Variants in GAB3 observed in about 807,000 individuals in gnomAD.
GAB3 encodes the protein GRB2 associated binding protein 3.
In GAB3, 12 loss-of-function variants were observed where a neutral mutation model predicts 40.4. The ratio of observed to expected loss-of-function variants is 0.30; its 90% CI spans 0.19 to 0.48. The LOEUF is 0.48. Ranked by LOEUF, GAB3 falls within the 20% of genes least tolerant of loss-of-function variation. The pLI is 0.99. For synonymous variants in GAB3, 154 were observed against 176.7 expected (o/e 0.87, Z 1.02); for missense variants, 381 against 461.9 (o/e 0.82, Z 1.61).
rs56796528 is a variant in GAB3, at chrX:154,744,212, C to CAA, written c.72+6740_72+6741dup. Among the ~76,000 whole-genome samples, 117 of 30,545 alleles carry CAA rather than the reference C, an allele frequency of 3.8e-3. 17 individuals carry two copies. The highest frequency in any genetic ancestry group is 0.028 in the East Asian group (8 of 283). 26.5% of individuals were successfully genotyped at this position (30,545 alleles called of 115,157 possible). A position where few individuals can be genotyped will look rare whatever the true frequency, so the allele number is the denominator to read the frequency against. On this transcript the variant is annotated intron_variant, in intron 1 of 9. Coordinates refer to ENST00000424127, the MANE Select transcript of GAB3 (RefSeq NM_001081573.3). ...CTGGTGACAGAGTGAGATTCCATCT[C>CAA]AAAAAAAAAAAAAAAAAAAAAAAAA...
At chrX:154,720,306 C>T (rs2071107937) in intron 1 of GAB3, among the ~76,000 whole-genome samples, 1 of 111,469 alleles carries the variant, frequency 9.0e-6, no homozygotes, top group African/African-American at 3.3e-5. Context: ...AGAACATATG[C>T]CCGTCATTGA....
chrX:154,698,531 G>T (rs1156803649), intron 6 of GAB3, among the ~76,000 whole-genome samples: 1 of 112,283 alleles, frequency 8.9e-6, no homozygotes, highest in Non-Finnish European at 1.9e-5. Context: ...TTTCTAAAGG[G>T]CAAAGAGAAG....
chrX:154,715,912 G>T, intron 2 of GAB3, 114 bp downstream of exon 2: 2 of 699,090 alleles, frequency 2.9e-6, no homozygotes, highest in South Asian at 2.6e-5. Flanking sequence ...ATATAAATTA[G>T]CCTGCCAAAA....
chrX:154,738,413 A>T (rs1557260803), intron 1 of GAB3, among the ~76,000 whole-genome samples: 1 of 112,668 alleles, frequency 8.9e-6, no homozygotes, highest in Non-Finnish European at 1.9e-5. Context: ...ATTGAAAAAG[A>T]ATTAGAGGTG....
chrX:154,694,661 G>A (rs1557250222), intron 8 of GAB3, among the ~76,000 whole-genome samples: 3 of 112,147 alleles, frequency 2.7e-5, no homozygotes, highest in Non-Finnish European at 5.6e-5. Flanking sequence ...CCAAAGTGCT[G>A]GGATTACAGG....
intron 6 of GAB3, among the ~76,000 whole-genome samples, chrX:154,699,088 T>A (rs1272617942): frequency 9.0e-6 from 1 of 111,162 alleles, no homozygotes; most frequent in Non-Finnish European, 1.9e-5. Flanking sequence ...TGCCTGTAAG[T>A]CTCCTGACTC....
intron 2 of GAB3, among the ~76,000 whole-genome samples, chrX:154,713,639 A>T (rs1281532707): frequency 9.9e-6 from 1 of 100,864 alleles, no homozygotes; most frequent in Non-Finnish European, 2.0e-5. Flanking sequence ...AGAGTAAAAA[A>T]CCCAGCATTC....
upstream of GAB3, chrX:154,751,190 C>A: frequency 5.9e-6 from 2 of 337,540 alleles, no homozygotes; most frequent in Non-Finnish European, 7.7e-6. Flanking sequence ...GGGGAGGGAA[C>A]CGACGCCGCC....
chrX:154,720,518 C>G (rs983920015), intron 1 of GAB3, among the ~76,000 whole-genome samples: 3 of 104,878 alleles, frequency 2.9e-5, no homozygotes, highest in Admixed American at 1.0e-4. Context: ...CCCAGCTACT[C>G]GGGAGGCTGA....
intron 8 of GAB3, among the ~76,000 whole-genome samples, chrX:154,694,793 T>C (rs1182856704): frequency 8.9e-6 from 1 of 112,034 alleles, no homozygotes; most frequent in African/African-American, 3.2e-5. Flanking sequence ...CACTTCCTTT[T>C]TCTGTTCTCT....
Position 154,733,172 on chromosome X carries a change from C to T in GAB3, c.73-16843G>A, listed in dbSNP as rs143348128. ...CAAGTTAGGGTTCAGAAAATGTTTG[C>T]TGAATGAATCAGTGAGCACTGGTCC... is the stretch of plus-strand genomic sequence containing the variant. On this transcript the variant is annotated intron_variant, in intron 1 of 9. Transcript: ENST00000424127. Among the ~76,000 whole-genome samples, 854 of 112,343 alleles carry T rather than the reference C, an allele frequency of 7.6e-3. 7 individuals carry two copies. Among genetic ancestry groups the T allele is most frequent in the Non-Finnish European group, 0.013 (682 of 53,241 alleles).
chrX:154,708,633 T>C, intron 4 of GAB3, among the ~76,000 whole-genome samples: 1 of 111,802 alleles, frequency 8.9e-6, no homozygotes, highest in Non-Finnish European at 1.9e-5. Context: ...CTAACCATCA[T>C]GGAAATGCAA....
At chrX:154,743,627 C>G (rs1603428200) in intron 1 of GAB3, among the ~76,000 whole-genome samples, 1 of 110,602 alleles carries the variant, frequency 9.0e-6, no homozygotes, top group South Asian at 3.8e-4. Flanking sequence ...TGTCCTTATA[C>G]TACTAATATT....
chrX:154,705,577 A>G (rs1333163862), intron 4 of GAB3, among the ~76,000 whole-genome samples: 1 of 111,540 alleles, frequency 9.0e-6, no homozygotes, highest in Non-Finnish European at 1.9e-5. Context: ...CTAGGCATAT[A>G]AGGAACATAC....
rs782391277 is a variant in GAB3, at chrX:154,682,662, T to C, written c.1531-2414A>G. On this transcript the variant is annotated intron_variant, in intron 8 of 9. Transcript: ENST00000424127. ...GTAATAGCTCATCTCTCTGAGAATATTGGTAATAATAGAGTTTTAAAAAGG... is the reference window on the plus strand; with the variant it reads ...GTAATAGCTCATCTCTCTGAGAATACTGGTAATAATAGAGTTTTAAAAAGG... 6.3e-5 allele frequency among the ~76,000 whole-genome samples: 7 copies of C among 111,901 alleles called. No homozygotes were observed. In the Admixed American group the frequency reaches 6.7e-4, roughly 11 times the overall value.
At position 154,740,981 on chromosome X, in the gene GAB3, A is replaced by G. The variant is rs1203330498; in HGVS notation, c.72+9973T>C. ...GGAGATATGGTTTGGCTGTGTCTCC[A>G]TGCAAACTTCATCTTGAATTGTAGC... On this transcript the variant is annotated intron_variant, in intron 1 of 9. Coordinates refer to ENST00000424127, the MANE Select transcript of GAB3 (RefSeq NM_001081573.3). 2.0e-4 allele frequency among the ~76,000 whole-genome samples: 22 copies of G among 111,946 alleles called. 1 individual carries two copies. In the Admixed American group the frequency reaches 2.1e-3, roughly 11 times the overall value.
At chrX:154,697,097 T>C (rs782125015) in intron 7 of GAB3, 35 bp downstream of exon 7, 1 of 1,104,939 alleles carries the variant, frequency 9.1e-7, no homozygotes, top group East Asian at 3.0e-5. Flanking sequence ...GGGGTGTCTG[T>C]GCTGGATGAG....
intron 1 of GAB3, among the ~76,000 whole-genome samples, chrX:154,718,061 C>T (rs1278995509): frequency 2.7e-5 from 3 of 110,958 alleles, no homozygotes; most frequent in Non-Finnish European, 5.7e-5. Context: ...GGAGGTACAG[C>T]GACCCCTGGG....
At chrX:154,711,879 C>G (rs2070953856) in intron 4 of GAB3, among the ~76,000 whole-genome samples, 1 of 112,054 alleles carries the variant, frequency 8.9e-6, no homozygotes, top group African/African-American at 3.2e-5. Context: ...TCACAAGGGA[C>G]CAGGGTTCCA....
Sources: gnomAD v4.1 joint callset for allele counts (sites outside exome capture counted in the v4.1 genomes callset) on GRCh38, gnomAD v4.1.1 for gene constraint, MANE v1.5 for transcripts, NCBI Gene and HGNC (gene_info 2026-07-23, HGNC 2026-07-21) for gene names.